Variants in TSEN34 observed in about 807,000 individuals in gnomAD.
The protein encoded by TSEN34 is tRNA-splicing endonuclease subunit Sen34.
TSEN34 carries 25 observed loss-of-function variants against 30.2 expected under a neutral mutation model. That is an observed-to-expected ratio of 0.83 (90% CI 0.60 to 1.16). The LOEUF (loss-of-function observed/expected upper bound fraction) is 1.16. Among genes scored for constraint, TSEN34 ranks in the 50% most tolerant of loss-of-function variants. The probability of loss-of-function intolerance (pLI) is 0.00; values close to 1 mark genes in which losing one functional copy is unlikely to be tolerated. For missense variants in TSEN34, 475 were observed against 411.9 expected (o/e 1.15, Z -1.33); for synonymous variants, 209 against 177.4 (o/e 1.18, Z -1.41).
In TSEN34 at chr19:54,194,005, C is replaced by G. The variant is rs905183920; in HGVS notation, c.*643C>G. The stretch of plus-strand genomic sequence containing the variant: ...TCGCTTGAGCCCAGGAGTTTGAGAC[C>G]AGCTCTGGCAACATTGTAATACCCA... On this transcript the variant is annotated 3_prime_UTR_variant, in exon 4 of 4. Transcript: ENST00000396388. 6.8e-6 allele frequency: 2 copies of G among 294,650 alleles called. No individual in the cohort carries two copies. Among genetic ancestry groups the G allele is most frequent in the Non-Finnish European group, 1.3e-5 (2 of 157,782 alleles). 18.3% of individuals were successfully genotyped at this position (294,650 alleles called of 1,614,324 possible).
Position 54,193,543 on chromosome 19 carries a change from GTGTTTT to G in TSEN34, c.*185_*190del. ...CCTTGTTTCAAAGCACTTATTGGCT[GTGTTTT>G]TGTAGTTACCTATTTTCACACTGTG... On this transcript the variant is annotated 3_prime_UTR_variant, in exon 4 of 4. Coordinates refer to ENST00000396388, the MANE Select transcript of TSEN34 (RefSeq NM_001077446.4). 2.6e-6 allele frequency: 4 copies of G among 1,536,600 alleles called. No homozygotes were observed. Among genetic ancestry groups the G allele is most frequent in the Non-Finnish European group, 2.6e-6 (3 of 1,145,952 alleles).
At chr19:54,190,398 A>G, upstream of TSEN34, 1 of 1,488,024 alleles carries the variant, frequency 6.7e-7, no homozygotes. Context: ...ATCGGTGGAC[A>G]GTGGGACATT....
rs2076820598 is a variant in TSEN34 at position 54,194,416 on chromosome 19, CTAAA to C, written c.*1055_*1058del. On this transcript the variant is annotated 3_prime_UTR_variant, in exon 4 of 4. Coordinates refer to ENST00000396388, the MANE Select transcript of TSEN34 (RefSeq NM_001077446.4). The stretch of plus-strand genomic sequence containing the variant: ...TTATATTCTGCAATTTTTATAAAAG[CTAAA>C]ACACATGTATTTGTAAAAAATTTGC... 1 of 152,042 alleles carries C rather than the reference CTAAA, an allele frequency of 6.6e-6. No individual in the cohort carries two copies. The highest frequency in any genetic ancestry group is 1.9e-4 in the East Asian group (1 of 5,204). 9.4% of individuals were successfully genotyped at this position (152,042 alleles called of 1,614,324 possible).
upstream of TSEN34, chr19:54,190,920 CG>C: frequency 9.5e-7 from 1 of 1,048,992 alleles, no homozygotes; most frequent in Non-Finnish European, 1.1e-6. Context: ...TGACCGCTGA[CG>C]GGAACACCCG....
At chr19:54,190,124 T>C (rs527245323), upstream of TSEN34, 86 of 547,552 alleles carry the variant, frequency 1.6e-4, 2 homozygotes, top group South Asian at 1.3e-3. Flanking sequence ...ATGACGATCC[T>C]CAAGTTCCCA....
At position 54,193,297 on chromosome 19, in the gene TSEN34, CT is replaced by C; in HGVS notation, c.869del (p.Leu290ProfsTer102). On this transcript the variant is annotated frameshift_variant, in exon 4 of 4. Coordinates refer to ENST00000396388, the MANE Select transcript of TSEN34 (RefSeq NM_001077446.4). LOFTEE classifies it high-confidence loss of function. ...LGTSVRKTLL[L>X]CSPQPDGKVV... ...AACCAGCGTCAGAAAGACCCTGCTCCTCTGTTCTCCGCAGCCTGATGGTAAG... is the reference window on the plus strand; with the variant it reads ...AACCAGCGTCAGAAAGACCCTGCTCCCTGTTCTCCGCAGCCTGATGGTAAG... 6.2e-7 allele frequency: 1 copy of C among 1,614,150 alleles called. No homozygotes were observed. Among genetic ancestry groups the C allele is most frequent in the Non-Finnish European group, 8.5e-7 (1 of 1,180,028 alleles).
In TSEN34 at chr19:54,192,318, A is replaced by T. The variant is rs199994816; in HGVS notation, c.690A>T (p.Arg230=). 6.2e-7 allele frequency: 1 copy of T among 1,614,108 alleles called. No individual in the cohort carries two copies. The highest frequency in any genetic ancestry group is 1.7e-5 in the Admixed American group (1 of 60,024). The stretch of plus-strand genomic sequence containing the variant: ...GTATCTACAGAGACCTGTGGGAGCG[A>T]GGCTTCTTCCTCAGTGCGGCTGGCA... ...RYSIYRDLWE[R]GFFLSAAGKF... is the part of the protein sequence containing the mutation. Residue 230 remains arginine (R), a synonymous_variant, in exon 3 of 4, where the codon CGA becomes CGT. Coordinates refer to ENST00000396388, the MANE Select transcript of TSEN34 (RefSeq NM_001077446.4).
intron 3 of TSEN34, among the ~76,000 whole-genome samples, chr19:54,192,866 G>A (rs1269552521): frequency 6.6e-6 from 1 of 152,058 alleles, no homozygotes; most frequent in Non-Finnish European, 1.5e-5. Context: ...CTAACTGGGC[G>A]TGGTGGTGGG....
rs566122242 is a variant in TSEN34 at position 54,194,230 on chromosome 19, T to C, written c.*868T>C. 6.6e-6 allele frequency: 1 copy of C among 151,890 alleles called. No individual in the cohort carries two copies. Among genetic ancestry groups the C allele is most frequent in the Admixed American group, 6.6e-5 (1 of 15,206 alleles). 9.4% of individuals were successfully genotyped at this position (151,890 alleles called of 1,614,324 possible). A position where few individuals can be genotyped will look rare whatever the true frequency, so the allele number is the denominator to read the frequency against. ...GTATGTATATATATGTGTGTGTATA[T>C]ATATATATATTATGAAAGGAAATGA... is the stretch of plus-strand genomic sequence containing the variant. On this transcript the variant is annotated 3_prime_UTR_variant, in exon 4 of 4. Coordinates refer to ENST00000396388, the MANE Select transcript of TSEN34 (RefSeq NM_001077446.4).
intron 3 of TSEN34, 78 bp from the exon 4 acceptor site, chr19:54,193,097 C>T (rs2076767304): frequency 3.1e-6 from 5 of 1,597,046 alleles, no homozygotes; most frequent in Non-Finnish European, 4.3e-6. Flanking sequence ...GATCTCAGAT[C>T]TCCTCCCAGT....
chr19:54,189,965 G>A (rs1445008573), upstream of TSEN34: 1 of 383,074 alleles, frequency 2.6e-6, no homozygotes, highest in Non-Finnish European at 4.8e-6. Flanking sequence ...TTCGTAGATA[G>A]TTGGGTACAA....
chr19:54,191,019 C>A, upstream of TSEN34: 1 of 1,150,642 alleles, frequency 8.7e-7, no homozygotes. Context: ...GTTTGTTTTT[C>A]ACGCTCCAAG....
rs2076819588 is a variant in TSEN34, at chr19:54,194,377, CTT to C, written c.*1020_*1021del. On this transcript the variant is annotated 3_prime_UTR_variant, in exon 4 of 4. Coordinates refer to ENST00000396388, the MANE Select transcript of TSEN34 (RefSeq NM_001077446.4). Reference sequence around the variant, plus strand: ...ATACTGTATATTTATATTTTAGACTCTTTTTTGGATGTGTTATATTCTGCAAT... The same window carrying C: ...ATACTGTATATTTATATTTTAGACTCTTTTGGATGTGTTATATTCTGCAAT... 6.6e-6 allele frequency: 1 copy of C among 151,898 alleles called. No individual in the cohort carries two copies. The highest frequency in any genetic ancestry group is 2.4e-5 in the African/African-American group (1 of 41,344). The allele number at this position is 151,898 out of a possible 1,614,324, so 9.4% of individuals were successfully genotyped here.
At chr19:54,192,676 A>G (rs1056734209) in intron 3 of TSEN34, among the ~76,000 whole-genome samples, 2 of 152,168 alleles carry the variant, frequency 1.3e-5, no homozygotes, top group Admixed American at 6.5e-5. Flanking sequence ...CTTTTATTAA[A>G]TGATTACTGT....
At chr19:54,190,448 G>A (rs2076623838), upstream of TSEN34, 2 of 1,417,138 alleles carry the variant, frequency 1.4e-6, no homozygotes, top group Admixed American at 6.2e-5. Flanking sequence ...GCTCCCAATT[G>A]GGGTGAGCCC....
upstream of TSEN34, chr19:54,190,470 G>T: frequency 7.2e-7 from 1 of 1,384,768 alleles, no homozygotes; most frequent in South Asian, 1.6e-5. Context: ...CCCGAGCGGA[G>T]AGTGGACGGC....
Position 54,193,678 on chromosome 19 carries a change from T to G in TSEN34, c.*316T>G, listed in dbSNP as rs1039534577. On this transcript the variant is annotated 3_prime_UTR_variant, in exon 4 of 4. Transcript: ENST00000396388. ...GGTATATAAATGTTCATGATTTGAA[T>G]GTTTGCGACAGTCCTGGAACCCGTG... The G allele has an allele frequency of 1.1e-6, 1 of 872,480 alleles. No individual in the cohort carries two copies. The highest frequency in any genetic ancestry group is 1.7e-5 in the African/African-American group (1 of 60,364). The allele number at this position is 872,480 out of a possible 1,614,324, so 54.0% of individuals were successfully genotyped here.
At chr19:54,190,496 G>A, upstream of TSEN34, 2 of 1,377,144 alleles carry the variant, frequency 1.5e-6, no homozygotes, top group Non-Finnish European at 1.9e-6. Context: ...TCCAGGGGGC[G>A]GGGCTTTCGG....
rs762136353 is a variant in TSEN34, at chr19:54,193,720, T to C, written c.*358T>C. 4.6e-5 allele frequency: 34 copies of C among 737,764 alleles called. No homozygotes were observed. Among genetic ancestry groups the C allele is most frequent in the Non-Finnish European group, 6.5e-5 (27 of 417,414 alleles). 45.7% of individuals were successfully genotyped at this position (737,764 alleles called of 1,614,324 possible). A position where few individuals can be genotyped will look rare whatever the true frequency, so the allele number is the denominator to read the frequency against. On this transcript the variant is annotated 3_prime_UTR_variant, in exon 4 of 4. Coordinates refer to ENST00000396388, the MANE Select transcript of TSEN34 (RefSeq NM_001077446.4). ...GAACCCGTGGATGGTCTCATCTGCA[T>C]GTACAGGTGAGAAAAAGGCCTGGAG...
Sources: allele counts gnomAD v4.1 joint callset (sites outside exome capture counted in the v4.1 genomes callset), GRCh38; gene constraint gnomAD v4.1.1; transcripts MANE v1.5; gene names NCBI Gene and HGNC (gene_info 2026-07-23, HGNC 2026-07-21).